Variants in FHIT observed in about 807,000 individuals in gnomAD.
FHIT encodes the protein fragile histidine triad diadenosine triphosphatase.
FHIT carries 19 observed loss-of-function variants against 17.9 expected under a neutral mutation model. The observed-to-expected ratio is 1.06, with a 90% CI of 0.74 to 1.56. The LOEUF (loss-of-function observed/expected upper bound fraction) is 1.56, where lower values mean the gene tolerates loss of function less well. Ranked by LOEUF, FHIT falls within the 40% of genes most tolerant of loss-of-function variation. The probability of loss-of-function intolerance (pLI) is 0.00; values close to 1 mark genes in which losing one functional copy is unlikely to be tolerated. For synonymous variants in FHIT, 81 were observed against 69.7 expected (o/e 1.16, Z -0.81); for missense variants, 248 against 189.2 (o/e 1.31, Z -1.82).
intron 5 of FHIT, among the ~76,000 whole-genome samples, chr3:60,340,923 C>T (rs531081694): frequency 5.3e-5 from 8 of 152,264 alleles, no homozygotes; most frequent in African/African-American, 1.9e-4. Context: ...AACTCCTGAC[C>T]TTGTGATGCG....
chr3:61,110,055 T>C (rs1264279459), intron 2 of FHIT, among the ~76,000 whole-genome samples: 1 of 152,144 alleles, frequency 6.6e-6, no homozygotes, highest in Non-Finnish European at 1.5e-5. Context: ...GGACTGTCTA[T>C]CTCTACTTAG....
intron 5 of FHIT, among the ~76,000 whole-genome samples, chr3:60,434,412 T>C (rs1239708662): frequency 6.6e-6 from 1 of 152,116 alleles, no homozygotes; most frequent in Admixed American, 6.6e-5. Context: ...TTTTCTTCCC[T>C]GCTTTCCTCC....
chr3:60,147,404 G>A (rs1559675840), intron 5 of FHIT, among the ~76,000 whole-genome samples: 2 of 152,138 alleles, frequency 1.3e-5, no homozygotes, highest in Non-Finnish European at 2.9e-5. Flanking sequence ...GAAGGAAACC[G>A]ATACATCCTG....
chr3:60,012,998 C>G (rs183490046), intron 6 of FHIT, among the ~76,000 whole-genome samples: 1 of 152,286 alleles, frequency 6.6e-6, no homozygotes, highest in Admixed American at 6.5e-5. Context: ...ACTGAACTAC[C>G]TGCCTGAAGG....
At chr3:60,069,991 T>C (rs1559603049) in intron 5 of FHIT, among the ~76,000 whole-genome samples, 1 of 152,210 alleles carries the variant, frequency 6.6e-6, no homozygotes, top group East Asian at 1.9e-4. Flanking sequence ...AACTTAGAAG[T>C]CACCTCTTCC....
In FHIT at chr3:59,790,583, T is replaced by C. The variant is rs115696404; in HGVS notation, c.349-38262A>G. ...TTCATCATTGCATTATTGATATTGA[T>C]TGATTGTAGGAGGAGAAAACAAGAA... On this transcript the variant is annotated intron_variant, in intron 8 of 9. Transcript: ENST00000492590. Among the ~76,000 whole-genome samples the C allele has an allele frequency of 5.7e-3, 868 of 152,246 alleles. 12 individuals are homozygous for C. Among genetic ancestry groups the C allele is most frequent in the African/African-American group, 0.02 (833 of 41,540 alleles).
intron 5 of FHIT, among the ~76,000 whole-genome samples, chr3:60,519,266 T>C (rs2035271083): frequency 6.6e-6 from 1 of 152,226 alleles, no homozygotes; most frequent in South Asian, 2.1e-4. Context: ...TTACACTTGA[T>C]ATAAACTAGA....
intron 5 of FHIT, among the ~76,000 whole-genome samples, chr3:60,232,938 T>C (rs1361409620): frequency 6.6e-6 from 1 of 152,194 alleles, no homozygotes; most frequent in African/African-American, 2.4e-5. Context: ...AATGATACTA[T>C]GGCTATAGTT....
intron 4 of FHIT, among the ~76,000 whole-genome samples, chr3:60,774,587 AC>A (rs1236105538): frequency 1.4e-4 from 22 of 152,356 alleles, no homozygotes; most frequent in African/African-American, 5.3e-4. Flanking sequence ...GGCATGAGCC[AC>A]TGTGCTTGGC....
At chr3:60,056,380 G>T (rs12632371) in intron 5 of FHIT, among the ~76,000 whole-genome samples, 1 of 152,134 alleles carries the variant, frequency 6.6e-6, no homozygotes, top group Non-Finnish European at 1.5e-5. Context: ...GGGGAGGGGG[G>T]AAGAATAAAA....
intron 2 of FHIT, among the ~76,000 whole-genome samples, chr3:61,168,356 T>G (rs1297306319): frequency 6.6e-6 from 1 of 152,110 alleles, no homozygotes; most frequent in Non-Finnish European, 1.5e-5. Context: ...GAAATAAAAG[T>G]AACAAACACT....
intron 5 of FHIT, among the ~76,000 whole-genome samples, chr3:60,173,773 T>C (rs1034990722): frequency 1.3e-5 from 2 of 150,900 alleles, no homozygotes; most frequent in African/African-American, 4.9e-5. Flanking sequence ...TTTTCCCTCT[T>C]TCTCCCTCAG....
chr3:60,455,211 T>C (rs1483571607), intron 5 of FHIT, among the ~76,000 whole-genome samples: 2 of 152,140 alleles, frequency 1.3e-5, no homozygotes, highest in Non-Finnish European at 2.9e-5. Context: ...AGAATTCAGA[T>C]ATCAACCCCA....
At chr3:60,725,746 G>A (rs1255036203) in intron 4 of FHIT, among the ~76,000 whole-genome samples, 2 of 152,144 alleles carry the variant, frequency 1.3e-5, no homozygotes, top group African/African-American at 4.8e-5. Flanking sequence ...TGCTACTGCT[G>A]CTAATAATAA....
chr3:61,231,032 TA>T (rs2040086678), intron 1 of FHIT, among the ~76,000 whole-genome samples: 1 of 152,162 alleles, frequency 6.6e-6, no homozygotes, highest in African/African-American at 2.4e-5. Context: ...TTCACAACAG[TA>T]AAATGGAAAA....
At chr3:60,236,586 T>C (rs541890158) in intron 5 of FHIT, among the ~76,000 whole-genome samples, 18 of 152,276 alleles carry the variant, frequency 1.2e-4, no homozygotes, top group Admixed American at 3.9e-4. Flanking sequence ...CTGTAAGCAG[T>C]AGTTCATATT....
At chr3:60,101,470 C>G (rs564247583) in intron 5 of FHIT, among the ~76,000 whole-genome samples, 266 of 152,330 alleles carry the variant, frequency 1.7e-3, no homozygotes, top group Non-Finnish European at 3.2e-3. Flanking sequence ...AGAAAGTCCT[C>G]TCTACCTATG....
At chr3:59,981,921 T>G (rs1708671603) in intron 7 of FHIT, among the ~76,000 whole-genome samples, 1 of 151,896 alleles carries the variant, frequency 6.6e-6, no homozygotes, top group African/African-American at 2.4e-5. Flanking sequence ...AGGTATCAGT[T>G]TACACTACTG....
chr3:60,928,699 G>A (rs1166613854), intron 3 of FHIT, among the ~76,000 whole-genome samples: 3 of 151,544 alleles, frequency 2.0e-5, no homozygotes, highest in African/African-American at 7.3e-5. Context: ...ACCAATAACA[G>A]GCTCTGAAAT....
Sources: gnomAD v4.1 joint callset for allele counts (sites outside exome capture counted in the v4.1 genomes callset) on GRCh38, gnomAD v4.1.1 for gene constraint, MANE v1.5 for transcripts, NCBI Gene and HGNC (gene_info 2026-07-23, HGNC 2026-07-21) for gene names.